The following ATP6V0D1 variants were observed in gnomAD, a reference collection of about 807,000 sequenced individuals.
The protein encoded by ATP6V0D1 is ATPase H+ transporting V0 subunit d1.
In ATP6V0D1, 13 loss-of-function variants were observed where a neutral mutation model predicts 39.0. The ratio of observed to expected loss-of-function variants is 0.33; its 90% CI spans 0.22 to 0.53. ATP6V0D1 has a LOEUF of 0.53. Ranked by LOEUF, ATP6V0D1 falls within the 20% of genes least tolerant of loss-of-function variation. The probability of loss-of-function intolerance (pLI) is 0.94; values close to 1 mark genes in which losing one functional copy is unlikely to be tolerated. For synonymous variants in ATP6V0D1, 191 were observed against 191.2 expected (o/e 1.00, Z 0.01); for missense variants, 272 against 470.9 (o/e 0.58, Z 3.91).
chr16:67,438,450 TACACACACACGCACACACACGC>T lies in ATP6V0D1; in HGVS notation c.*56_*77del. On this transcript the variant is annotated 3_prime_UTR_variant, in exon 8 of 8. Coordinates refer to ENST00000290949, the MANE Select transcript of ATP6V0D1 (RefSeq NM_004691.5). The stretch of plus-strand genomic sequence containing the variant: ...AGCCACAGGCTTGTCACAGACCACA[TACACACACACGCACACACACGC>T]GCACACACACACACACACACACAAA... 1 of 1,514,856 alleles carries T rather than the reference TACACACACACGCACACACACGC, an allele frequency of 6.6e-7. No individual in the cohort carries two copies. The highest frequency in any genetic ancestry group is 2.4e-5 in the East Asian group (1 of 41,606). The allele number at this position is 1,514,856 out of a possible 1,614,324, so 93.8% of individuals were successfully genotyped here.
intron 1 of ATP6V0D1, 150 bp downstream of exon 1, chr16:67,480,807 C>A (rs944029742): frequency 1.3e-5 from 15 of 1,195,264 alleles, no homozygotes; most frequent in Middle Eastern, 5.8e-4. Context: ...AGAGGTAGAT[C>A]CCGCTCCTGC....
At chr16:67,443,510 T>C (rs2041078633) in intron 3 of ATP6V0D1, 1 of 268,822 alleles carries the variant, frequency 3.7e-6, no homozygotes. Flanking sequence ...TCCTCCCTTC[T>C]GGAGGGGCAG....
At chr16:67,480,857 C>G in intron 1 of ATP6V0D1, 100 bp downstream of exon 1, 1 of 1,509,688 alleles carries the variant, frequency 6.6e-7, no homozygotes, top group Non-Finnish European at 9.0e-7. Flanking sequence ...AGAGGCCTCT[C>G]AGGCCCTTCA....
rs1314711823 is a variant in ATP6V0D1, at chr16:67,456,033, G to A, written c.131-2318C>T. ...TTTTTCTGAGATGGAATCTTGCTCT[G>A]TTGCCCAGGCTGGAGTGCAGTGGCA... On this transcript the variant is annotated intron_variant, in intron 1 of 7. Coordinates refer to ENST00000290949, the MANE Select transcript of ATP6V0D1 (RefSeq NM_004691.5). The surrounding 1 kb of genome is among the most constrained non-coding windows in gnomAD (Gnocchi z 4.1). The A allele has an allele frequency of 2.8e-5, 4 of 144,066 alleles. No homozygotes were observed. Among genetic ancestry groups the A allele is most frequent in the Non-Finnish European group, 6.0e-5 (4 of 66,868 alleles). 8.9% of individuals were successfully genotyped at this position (144,066 alleles called of 1,614,324 possible).
At chr16:67,478,886 A>G (rs938722818) in intron 1 of ATP6V0D1, among the ~76,000 whole-genome samples, 2 of 152,158 alleles carry the variant, frequency 1.3e-5, no homozygotes, top group African/African-American at 4.8e-5. Flanking sequence ...AGGAGTGAGG[A>G]AAGTCAAGAA....
chr16:67,477,417 AATATTGTCATTTTTTTAAAATACTC>A (rs2041424220), intron 1 of ATP6V0D1, among the ~76,000 whole-genome samples: 1 of 152,206 alleles, frequency 6.6e-6, no homozygotes, highest in South Asian at 2.1e-4. Context: ...AAGGAGGAAT[AATATTGTCATTTTTTTAAAATACTC>A]ATGACTTTTT....
At position 67,456,647 on chromosome 16, in the gene ATP6V0D1, G is replaced by C. The variant is rs1394417952; in HGVS notation, c.131-2932C>G. 2 of 152,284 alleles carry C rather than the reference G, an allele frequency of 1.3e-5. No individual in the cohort carries two copies. The highest frequency in any genetic ancestry group is 2.9e-5 in the Non-Finnish European group (2 of 68,066). 9.4% of individuals were successfully genotyped at this position (152,284 alleles called of 1,614,324 possible). Reference sequence around the variant, plus strand: ...TCACACAGCCACTGCAGCCAGCCAAGAGCCCTTCTCAGGCCAGGAGACTTC... The same window carrying C: ...TCACACAGCCACTGCAGCCAGCCAACAGCCCTTCTCAGGCCAGGAGACTTC... On this transcript the variant is annotated intron_variant, in intron 1 of 7. Coordinates refer to ENST00000290949, the MANE Select transcript of ATP6V0D1 (RefSeq NM_004691.5). The surrounding 1 kb of genome is among the most constrained non-coding windows in gnomAD (Gnocchi z 4.1).
In ATP6V0D1 at chr16:67,438,989, G is replaced by A. The variant is rs768334521; in HGVS notation, c.798C>T (p.Asn266=). The change falls in exon 6 of 8, where the codon AAC becomes AAT. Residue 266 remains asparagine (N), a synonymous_variant. Coordinates refer to ENST00000290949, the MANE Select transcript of ATP6V0D1 (RefSeq NM_004691.5). ...ARADDYEQVK[N]VADYYPEYKL... The stretch of plus-strand genomic sequence containing the variant: ...CACTCACCGGGTAGTAATCGGCCAC[G>A]TTCTTGACCTGTTCATAGTCGTCAG... 3.7e-5 allele frequency: 59 copies of A among 1,613,850 alleles called. No homozygotes were observed. Among genetic ancestry groups the A allele is most frequent in the East Asian group, 1.8e-4 (8 of 44,882 alleles).
Position 67,481,053 on chromosome 16 carries a change from C to T in ATP6V0D1, c.34G>A (p.Asp12Asn), listed in dbSNP as rs760041471. The stretch of plus-strand genomic sequence containing the variant: ...ACCAGTCCCTCCAAGTAGCCATTGT[C>T]CACGTTAAAGTAAAGCTCCGGGAAG... ...SFFPELYFNV[D>N]NGYLEGLVRG... Residue 12 changes from aspartate to asparagine, a missense_variant, in exon 1 of 8, where the codon GAC becomes AAC. By Grantham distance (23) the Asp-to-Asn change is conservative. Around this residue, in one of 4 missense-constraint regions of ATP6V0D1, gnomAD observed 81 missense variants for 96.0 expected, o/e 0.84. Coordinates refer to ENST00000290949, the MANE Select transcript of ATP6V0D1 (RefSeq NM_004691.5). The T allele has an allele frequency of 3.7e-6, 6 of 1,614,058 alleles. No individual in the cohort carries two copies. In the African/African-American group the frequency reaches 4.0e-5, roughly 11 times the overall value.
intron 2 of ATP6V0D1, among the ~76,000 whole-genome samples, chr16:67,448,651 C>T (rs141103448): frequency 2.1e-5 from 3 of 143,932 alleles, no homozygotes; most frequent in Non-Finnish European, 4.5e-5. Flanking sequence ...CAGAGTGAGA[C>T]TCCAGCTCAA....
intron 1 of ATP6V0D1, among the ~76,000 whole-genome samples, chr16:67,461,253 T>C (rs2041287402): frequency 6.6e-6 from 1 of 152,182 alleles, no homozygotes; most frequent in Non-Finnish European, 1.5e-5. Context: ...TCATAAAGCC[T>C]GCAGGGGACC....
chr16:67,457,475 T>G, intron 1 of ATP6V0D1: 67 of 873,914 alleles, frequency 7.7e-5, no homozygotes, highest in Non-Finnish European at 1.0e-4. Flanking sequence ...CAGTCCCAGA[T>G]GAGCTGGCAG....
chr16:67,474,318 T>C (rs758489584), intron 1 of ATP6V0D1, among the ~76,000 whole-genome samples: 2 of 152,208 alleles, frequency 1.3e-5, no homozygotes, highest in Admixed American at 6.5e-5. Flanking sequence ...ATAAATGACT[T>C]GTCCAAGGTC....
At chr16:67,452,370 G>A (rs1202328291) in intron 2 of ATP6V0D1, 63 of 1,535,560 alleles carry the variant, frequency 4.1e-5, no homozygotes, top group Middle Eastern at 1.7e-4. Context: ...CCTGAGAATG[G>A]AGCCCTTTGG....
intron 1 of ATP6V0D1, among the ~76,000 whole-genome samples, chr16:67,469,231 C>G (rs2041353650): frequency 6.6e-6 from 1 of 152,194 alleles, no homozygotes; most frequent in Admixed American, 6.5e-5. Flanking sequence ...TCGTTTCAAC[C>G]TGGGAGGCGG....
Position 67,439,239 on chromosome 16 carries a change from G to C in ATP6V0D1, c.639+35C>G. On this transcript the variant is annotated intron_variant, in intron 5 of 7. Transcript: ENST00000290949. Reference sequence around the variant, plus strand: ...GAGCCTCCCCAGGCCAGGGCTAGCGGGCACCAGCAGGCAGGAGGGCGGGCA... The same window carrying C: ...GAGCCTCCCCAGGCCAGGGCTAGCGCGCACCAGCAGGCAGGAGGGCGGGCA... 1 of 1,614,024 alleles carries C rather than the reference G, an allele frequency of 6.2e-7. No homozygotes were observed. Among genetic ancestry groups the C allele is most frequent in the Non-Finnish European group, 8.5e-7 (1 of 1,179,972 alleles).
rs775378742 is a variant in ATP6V0D1, at chr16:67,444,554, T to C, written c.455A>G (p.Asn152Ser). 5.6e-6 allele frequency: 9 copies of C among 1,608,458 alleles called. No homozygotes were observed. The East Asian group carries it at 9.0e-5, about 16-fold the overall frequency. Residue 152 changes from asparagine to serine, a missense_variant, in exon 3 of 8, where the codon AAT becomes AGT. Physicochemically the swap from Asn to Ser is conservative, Grantham distance 46 (BLOSUM62 1). Coordinates refer to ENST00000290949, the MANE Select transcript of ATP6V0D1 (RefSeq NM_004691.5). The surrounding 1 kb of genome is among the most constrained non-coding windows in gnomAD (Gnocchi z 4.8). ...AAGAGGCGTGTCCACCAGAATGGCATTGTAGAGCTCAGCAGGTGTCTGAGC... is the reference window on the plus strand; with the variant it reads ...AAGAGGCGTGTCCACCAGAATGGCACTGTAGAGCTCAGCAGGTGTCTGAGC... The part of the protein sequence containing the change: ...NIAQTPAELY[N>S]AILVDTPLAA...
chr16:67,464,206 C>A (rs1024081705), intron 1 of ATP6V0D1, among the ~76,000 whole-genome samples: 1 of 152,216 alleles, frequency 6.6e-6, no homozygotes, highest in Non-Finnish European at 1.5e-5. Flanking sequence ...GAGGAAAAGA[C>A]AAGGGCCCCA....
intron 4 of ATP6V0D1, chr16:67,439,607 C>T (rs1472625466): frequency 5.4e-6 from 3 of 553,924 alleles, no homozygotes; most frequent in African/African-American, 3.8e-5. Context: ...CTTCAGGCTA[C>T]AGTCTCCTTC....
Sources: allele counts gnomAD v4.1 joint callset (sites outside exome capture counted in the v4.1 genomes callset), GRCh38; gene constraint gnomAD v4.1.1; regional missense constraint gnomAD v4.1.1; non-coding constraint Gnocchi (gnomAD v3.1); transcripts MANE v1.5; gene names NCBI Gene and HGNC (gene_info 2026-07-23, HGNC 2026-07-21).